Variants in PPARGC1B observed in about 807,000 individuals in gnomAD.
PPARGC1B encodes PPARG coactivator 1 beta, also known as peroxisome proliferator-activated receptor gamma coactivator 1-beta.
A neutral mutation model predicts 101.6 loss-of-function variants in PPARGC1B; 34 were observed. The ratio of observed to expected loss-of-function variants is 0.33; its 90% CI spans 0.25 to 0.45. The LOEUF (loss-of-function observed/expected upper bound fraction) is 0.45. Among genes scored for constraint, PPARGC1B ranks in the 20% least tolerant of loss-of-function variants. The probability of loss-of-function intolerance (pLI) is 1.00; values close to 1 mark genes in which losing one functional copy is unlikely to be tolerated. For synonymous variants in PPARGC1B, 548 were observed against 539.3 expected (o/e 1.02, Z -0.22); for missense variants, 1,234 against 1,317.6 (o/e 0.94, Z 0.98).
intron 2 of PPARGC1B, among the ~76,000 whole-genome samples, chr5:149,825,774 A>T (rs936779170): frequency 5.9e-5 from 9 of 152,010 alleles, no homozygotes; most frequent in African/African-American, 2.2e-4. Flanking sequence ...AGCCACCGGG[A>T]AGGGGAAGGA....
chr5:149,737,786 G>A (rs1288662929), intron 1 of PPARGC1B, among the ~76,000 whole-genome samples: 1 of 152,212 alleles, frequency 6.6e-6, no homozygotes, highest in African/African-American at 2.4e-5. Context: ...CTGAGGTCAG[G>A]AGTTCGAGAC....
chr5:149,825,879 C>T (rs140317153), intron 2 of PPARGC1B, among the ~76,000 whole-genome samples: 7 of 152,188 alleles, frequency 4.6e-5, no homozygotes, highest in African/African-American at 1.4e-4. Flanking sequence ...AGTAGCAGCA[C>T]TAGCAGTGGT....
intron 1 of PPARGC1B, among the ~76,000 whole-genome samples, chr5:149,766,015 T>TA (rs1374195257): frequency 6.6e-6 from 1 of 152,036 alleles, no homozygotes; most frequent in African/African-American, 2.4e-5. Context: ...TAAGGAGTTT[T>TA]AAAAAAAATG....
At chr5:149,739,645 C>T (rs1317037340) in intron 1 of PPARGC1B, among the ~76,000 whole-genome samples, 2 of 152,118 alleles carry the variant, frequency 1.3e-5, no homozygotes, top group African/African-American at 4.8e-5. Context: ...TTGGGGAGGG[C>T]CAGGGTGGGT....
In PPARGC1B at chr5:149,730,430, G is replaced by T; in HGVS notation, c.78+10G>T. ...TCTCGCTGACACGCAGGTACGGCCGGCTGGGGCTGCGGGCCCGGGGCCAGG... is the reference window on the plus strand; with the variant it reads ...TCTCGCTGACACGCAGGTACGGCCGTCTGGGGCTGCGGGCCCGGGGCCAGG... On this transcript the variant is annotated intron_variant, in intron 1 of 11. Coordinates refer to ENST00000309241, the MANE Select transcript of PPARGC1B (RefSeq NM_133263.4). The surrounding 1 kb of genome is among the most constrained non-coding windows in gnomAD (Gnocchi z 4.0). The T allele has an allele frequency of 6.5e-7, 1 of 1,542,338 alleles. No homozygotes were observed. Among genetic ancestry groups the T allele is most frequent in the Non-Finnish European group, 8.7e-7 (1 of 1,146,176 alleles).
At chr5:149,798,920 C>G (rs1379835183) in intron 1 of PPARGC1B, among the ~76,000 whole-genome samples, 1 of 152,050 alleles carries the variant, frequency 6.6e-6, no homozygotes, top group African/African-American at 2.4e-5. Flanking sequence ...CAAATATTAC[C>G]AAGCTCTCAG....
intron 3 of PPARGC1B, among the ~76,000 whole-genome samples, chr5:149,830,080 T>C: frequency 7.8e-6 from 1 of 128,944 alleles, no homozygotes; most frequent in African/African-American, 2.9e-5. Flanking sequence ...ACAGGGTGGG[T>C]TGGAGGTAAT....
At chr5:149,821,437 G>A (rs934534739) in intron 2 of PPARGC1B, among the ~76,000 whole-genome samples, 4 of 151,614 alleles carry the variant, frequency 2.6e-5, no homozygotes, top group Admixed American at 2.6e-4. Context: ...ATGTGTGGGT[G>A]GGAGTGTGCG....
rs753777048 is a variant in PPARGC1B, at chr5:149,847,449, C to A, written c.2972-9C>A. The A allele has an allele frequency of 1.9e-6, 3 of 1,608,126 alleles. No homozygotes were observed. Among genetic ancestry groups the A allele is most frequent in the African/African-American group, 1.3e-5 (1 of 74,790 alleles). On this transcript the variant is annotated splice_polypyrimidine_tract_variant and intron_variant, in intron 11 of 11. Coordinates refer to ENST00000309241, the MANE Select transcript of PPARGC1B (RefSeq NM_133263.4). ...CCCCTCTTCCCTGCCTCTTCACCCC[C>A]ATGCCCAGATTCCAATTCAGAAGAG...
chr5:149,804,649 G>T (rs756293719), intron 1 of PPARGC1B, among the ~76,000 whole-genome samples: 3 of 152,206 alleles, frequency 2.0e-5, no homozygotes, highest in African/African-American at 4.8e-5. Context: ...CAGCTGGGGC[G>T]ACAGAGTGAG....
At chr5:149,813,969 G>A (rs1282888632) in intron 1 of PPARGC1B, among the ~76,000 whole-genome samples, 2 of 152,174 alleles carry the variant, frequency 1.3e-5, no homozygotes, top group Non-Finnish European at 2.9e-5. Context: ...ACCTCCCAGA[G>A]GCCTCGCCTC....
intron 1 of PPARGC1B, among the ~76,000 whole-genome samples, chr5:149,776,626 G>A (rs12187001): frequency 0.084 from 12,856 of 152,216 alleles, 588 homozygotes; most frequent in South Asian, 0.14. Context: ...TGGGTGGGTC[G>A]TTGGTGTCAG....
chr5:149,773,219 G>C (rs534038727), intron 1 of PPARGC1B, among the ~76,000 whole-genome samples: 2 of 152,344 alleles, frequency 1.3e-5, no homozygotes, highest in East Asian at 3.9e-4. Flanking sequence ...TGCTGTGGTC[G>C]TGTCTTGTGC....
At chr5:149,838,122 T>A (rs144910093) in intron 8 of PPARGC1B, among the ~76,000 whole-genome samples, 15 of 151,882 alleles carry the variant, frequency 9.9e-5, no homozygotes, top group Middle Eastern at 3.4e-3. Context: ...CAAAAAAAAA[T>A]TTTTTTTTGT....
rs564999670 is a variant in PPARGC1B at position 149,751,716 on chromosome 5, A to G, written c.78+21296A>G. ...GGAAGACTCTGTCCAAAAGAAAAAA[A>G]AAAAAAGAAAAGAAAACTAATCCCA... On this transcript the variant is annotated intron_variant, in intron 1 of 11. Coordinates refer to ENST00000309241, the MANE Select transcript of PPARGC1B (RefSeq NM_133263.4). 2.7e-3 allele frequency among the ~76,000 whole-genome samples: 407 copies of G among 152,070 alleles called. 2 individuals carry two copies. Among genetic ancestry groups the G allele is most frequent in the South Asian group, 0.023 (111 of 4,812 alleles).
At position 149,736,185 on chromosome 5, in the gene PPARGC1B, T is replaced by G. The variant is rs75365962; in HGVS notation, c.78+5765T>G. On this transcript the variant is annotated intron_variant, in intron 1 of 11. Coordinates refer to ENST00000309241, the MANE Select transcript of PPARGC1B (RefSeq NM_133263.4). ...AGAATGCAGAACAAGTCCCTCTGCT[T>G]CTCTACGCCTGTTTTTCAATCCTTG... Among the ~76,000 whole-genome samples the G allele has an allele frequency of 4.7e-3, 716 of 152,218 alleles. 7 individuals are homozygous for G. Among genetic ancestry groups the G allele is most frequent in the African/African-American group, 0.016 (683 of 41,528 alleles).
intron 1 of PPARGC1B, among the ~76,000 whole-genome samples, chr5:149,808,643 G>T (rs1421956175): frequency 6.6e-6 from 1 of 152,184 alleles, no homozygotes; most frequent in East Asian, 1.9e-4. Flanking sequence ...CTGCCAGGAA[G>T]CTTGGTCTTG....
chr5:149,827,777 G>A (rs1758589065), intron 3 of PPARGC1B, among the ~76,000 whole-genome samples: 1 of 152,232 alleles, frequency 6.6e-6, no homozygotes, highest in African/African-American at 2.4e-5. Flanking sequence ...GAGAACATCA[G>A]ATTTTATCAG....
At chr5:149,810,034 G>A (rs1757793355) in intron 1 of PPARGC1B, among the ~76,000 whole-genome samples, 1 of 152,310 alleles carries the variant, frequency 6.6e-6, no homozygotes, top group South Asian at 2.1e-4. Context: ...CCAGGAGGGA[G>A]GCTGGTCTTG....
Sources: allele counts gnomAD v4.1 joint callset (sites outside exome capture counted in the v4.1 genomes callset), GRCh38; gene constraint gnomAD v4.1.1; non-coding constraint Gnocchi (gnomAD v3.1); transcripts MANE v1.5; gene names NCBI Gene and HGNC (gene_info 2026-07-23, HGNC 2026-07-21).